The following NLRP7 variants were observed in gnomAD, a reference collection of about 807,000 sequenced individuals.
The protein encoded by NLRP7 is NLR family pyrin domain containing 7, also known as NACHT, LRR and PYD domains-containing protein 7.
A neutral mutation model predicts 85.5 loss-of-function variants in NLRP7; 72 were observed. The ratio of observed to expected loss-of-function variants is 0.84; its 90% CI spans 0.70 to 1.02. The LOEUF (loss-of-function observed/expected upper bound fraction) is 1.02, where lower values mean the gene tolerates loss of function less well. NLRP7 is among the 50% of genes least tolerant of loss of function. The pLI is 0.00. For synonymous variants in NLRP7, 550 were observed against 505.2 expected (o/e 1.09, Z -1.19); for missense variants, 1,243 against 1,219.5 (o/e 1.02, Z -0.29).
chr19:54,926,101 T>C (rs2068424715), intron 9 of NLRP7, among the ~76,000 whole-genome samples: 1 of 151,922 alleles, frequency 6.6e-6, no homozygotes, highest in African/African-American at 2.4e-5. Context: ...ATTGAAAAGA[T>C]ATACACGGGT....
intron 6 of NLRP7, among the ~76,000 whole-genome samples, chr19:54,935,238 T>C (rs1032789976): frequency 1.3e-5 from 2 of 151,452 alleles, no homozygotes; most frequent in South Asian, 2.1e-4. Flanking sequence ...GAAAAAAAAA[T>C]TTTTTTTTTG....
chr19:54,962,528 C>T (rs1178210074), intron 1 of NLRP7, among the ~76,000 whole-genome samples: 1 of 151,752 alleles, frequency 6.6e-6, no homozygotes, highest in Non-Finnish European at 1.5e-5. Context: ...GCCTCGGCCT[C>T]CCAAAGTGCT....
At chr19:54,947,658 G>T, upstream of NLRP7, 2 of 1,288,794 alleles carry the variant, frequency 1.6e-6, no homozygotes, top group South Asian at 1.2e-5. Flanking sequence ...CATCACCTGG[G>T]CCCCATCCTC....
At chr19:54,942,037 A>G (rs554493219) in intron 1 of NLRP7, among the ~76,000 whole-genome samples, 1 of 150,750 alleles carries the variant, frequency 6.6e-6, no homozygotes, top group Non-Finnish European at 1.5e-5. Context: ...ATGGATCACG[A>G]TATCAGGAGA....
chr19:54,940,300 C>G lies in NLRP7; in HGVS notation c.519G>C (p.Thr173=), dbSNP rs201414484. ...CGCCTGCGGGGCCGTGCAGCACCAC[C>G]GTGTAAGGTGTTAGCTTCCTGGGTG... Residue 173 remains threonine, a synonymous_variant, in exon 4 of 10, where the codon ACG becomes ACC. Transcript: ENST00000340844. 9 of 1,614,188 alleles carry G rather than the reference C, an allele frequency of 5.6e-6. No individual in the cohort carries two copies. In the South Asian group the frequency reaches 8.8e-5, roughly 16 times the overall value.
Position 54,940,956 on chromosome 19 carries a change from T to C in NLRP7, c.327A>G (p.Glu109=), listed in dbSNP as rs1281251066. The C allele has an allele frequency of 3.1e-6, 5 of 1,612,874 alleles. No homozygotes were observed. The Admixed American group carries it at 8.3e-5, about 27-fold the overall frequency. ...CTGGCTTTGCTAACTCCGAGTCTTC[T>C]TCTGCATCTCCCAGCTCAGGATTAT... Residue 109 remains glutamate (E), a synonymous_variant, in exon 3 of 10, where the codon GAA becomes GAG. Transcript: ENST00000340844.
rs796122626 is a variant in NLRP7 at position 54,936,546 on chromosome 19, G to A, written c.2130-115C>T. The stretch of plus-strand genomic sequence containing the variant: ...GAAATTATTAGAAGTTCTTGGCCGG[G>A]TGCAGTGGCTCGTGTCTGTAACCCC... On this transcript the variant is annotated intron_variant, in intron 5 of 9. Coordinates refer to ENST00000340844, the Ensembl canonical transcript of NLRP7. 1.1e-4 allele frequency: 99 copies of A among 918,984 alleles called. No individual in the cohort carries two copies. In the African/African-American group the frequency reaches 1.3e-3, roughly 12 times the overall value. 56.9% of individuals were successfully genotyped at this position (918,984 alleles called of 1,614,324 possible).
At chr19:54,947,708 AATT>A, upstream of NLRP7, 1 of 1,197,086 alleles carries the variant, frequency 8.4e-7, no homozygotes, top group Non-Finnish European at 1.1e-6. Flanking sequence ...GGCTTTGGAG[AATT>A]ACGGCTTGCT....
upstream of NLRP7, among the ~76,000 whole-genome samples, chr19:54,951,611 A>C (rs566796943): frequency 7.2e-5 from 11 of 152,246 alleles, 1 homozygote; most frequent in South Asian, 2.1e-3. Flanking sequence ...TTTAGTAAAA[A>C]AAATAAAAAT....
intron 1 of NLRP7, among the ~76,000 whole-genome samples, chr19:54,957,916 T>G (rs1487448608): frequency 1.3e-5 from 2 of 151,948 alleles, no homozygotes. Flanking sequence ...AGTCTCTATT[T>G]AAAAAAGATG....
chr19:54,957,052 C>G (rs895604629), intron 1 of NLRP7, among the ~76,000 whole-genome samples: 2 of 151,812 alleles, frequency 1.3e-5, no homozygotes, highest in Non-Finnish European at 2.9e-5. Flanking sequence ...GACAGGGTCT[C>G]CCTCTATCTC....
At chr19:54,943,606 G>A (rs543853414) in intron 1 of NLRP7, among the ~76,000 whole-genome samples, 4,060 of 151,770 alleles carry the variant, frequency 0.027, 195 homozygotes, top group African/African-American at 0.092. Context: ...GTCTGGGTTG[G>A]GGGGGCGGGG....
In NLRP7 at chr19:54,927,792, T is replaced by C. The variant is rs369045322; in HGVS notation, c.2810+2707A>G. 1.1e-5 allele frequency: 17 copies of C among 1,611,904 alleles called. No homozygotes were observed. In the African/African-American group the frequency reaches 2.1e-4, roughly 20 times the overall value. ...CTCCAGAGGCTGTTGAGGAAGAACA[T>C]GGAAATCCACGCATTCACTGAGCAG... On this transcript the variant is annotated intron_variant, in intron 9 of 9. Coordinates refer to ENST00000340844, the Ensembl canonical transcript of NLRP7.
Position 54,934,451 on chromosome 19 carries a change from A to G in NLRP7, c.2471+38T>C. On this transcript the variant is annotated intron_variant, in intron 7 of 9. Coordinates refer to ENST00000340844, the Ensembl canonical transcript of NLRP7. The surrounding 1 kb of genome is among the most constrained non-coding windows in gnomAD (Gnocchi z 6.7). ...TACCCTTTCTCTTCTATAGCCCCAG[A>G]ACTAAACCAGAGCTGCCCATGGGAA... 6.2e-7 allele frequency: 1 copy of G among 1,609,290 alleles called. No individual in the cohort carries two copies.
At chr19:54,927,026 G>T (rs1033995882) in intron 9 of NLRP7, among the ~76,000 whole-genome samples, 14 of 151,924 alleles carry the variant, frequency 9.2e-5, no homozygotes, top group African/African-American at 3.4e-4. Context: ...TGAGAAGGAG[G>T]CTGCAGTGAG....
At chr19:54,928,797 A>G (rs1395674698) in intron 9 of NLRP7, among the ~76,000 whole-genome samples, 1 of 117,472 alleles carries the variant, frequency 8.5e-6, no homozygotes, top group African/African-American at 3.1e-5. Context: ...GCCACTGTAG[A>G]AGCCTTTGGT....
rs561732611 is a variant in NLRP7, at chr19:54,959,796, G to A, written c.-77+6244C>T. Among the ~76,000 whole-genome samples, 18 of 152,064 alleles carry A rather than the reference G, an allele frequency of 1.2e-4. No homozygotes were observed. In the South Asian group the frequency reaches 3.7e-3, roughly 32 times the overall value. Reference sequence around the variant, plus strand: ...CTCATCCTCTCATGGATGTCTGTCTGTAGAAAGTAAATGGAGACAGCTTCA... The same window carrying A: ...CTCATCCTCTCATGGATGTCTGTCTATAGAAAGTAAATGGAGACAGCTTCA... On this transcript the variant is annotated intron_variant, in intron 1 of 2. Transcript: ENST00000587103.
exon 9 of NLRP7, chr19:54,930,500 G>A (rs145163808): frequency 1.8e-5 from 28 of 1,599,180 alleles, no homozygotes; most frequent in African/African-American, 1.7e-4. Flanking sequence ...ATCGCCTACC[G>A]TAGGTGTTTT....
chr19:54,927,381 CAAA>C (rs35405359), intron 9 of NLRP7, among the ~76,000 whole-genome samples: 2 of 138,778 alleles, frequency 1.4e-5, no homozygotes. Context: ...AACTCCGTCT[CAAA>C]AAAAAAAAAA....
Sources: gnomAD v4.1 joint callset for allele counts (sites outside exome capture counted in the v4.1 genomes callset) on GRCh38, gnomAD v4.1.1 for gene constraint, Gnocchi (gnomAD v3.1) non-coding constraint, MANE v1.5 for transcripts, NCBI Gene and HGNC (gene_info 2026-07-23, HGNC 2026-07-21) for gene names.